The following PCDHGA5 variants were observed in gnomAD, a reference collection of about 807,000 sequenced individuals.
The protein encoded by PCDHGA5 is protocadherin gamma-A5.
PCDHGA5 carries 36 observed loss-of-function variants against 56.7 expected under a neutral mutation model. The observed-to-expected ratio is 0.64, with a 90% CI of 0.49 to 0.84. PCDHGA5 has a LOEUF of 0.84. PCDHGA5 is among the 40% of genes least tolerant of loss of function. The probability of loss-of-function intolerance (pLI) is 0.00; values close to 1 mark genes in which losing one functional copy is unlikely to be tolerated. For missense variants in PCDHGA5, 1,305 were observed against 1,201.5 expected, an observed-to-expected ratio of 1.09 and a Z score of -1.27; for synonymous variants, 563 against 520.2, an observed-to-expected ratio of 1.08 and a Z score of -1.12.
In PCDHGA5 at chr5:141,365,324, A is replaced by T; in HGVS notation, c.994A>T (p.Lys332Ter). The change falls in exon 1 of 4, where the codon AAG becomes TAG. Residue 332 changes from lysine (K) to a stop codon, truncating the protein, a stop_gained. Transcript: ENST00000518069. LOFTEE classifies it high-confidence loss of function. ...QDGGALVASA[K>*]VVVTVQDVND... ...TGGAGGCGCTCTTGTTGCCAGCGCT[A>T]AGGTGGTGGTCACAGTACAGGACGT... 6.2e-7 allele frequency: 1 copy of T among 1,613,936 alleles called. No individual in the cohort carries two copies. Among genetic ancestry groups the T allele is most frequent in the Non-Finnish European group, 8.5e-7 (1 of 1,179,878 alleles).
chr5:141,398,643 C>G, intron 1 of PCDHGA5: 2 of 1,614,024 alleles, frequency 1.2e-6, no homozygotes, highest in Non-Finnish European at 1.7e-6. Context: ...AGTATAAACT[C>G]TCTCTTAACC....
rs1461837957 is a variant in PCDHGA5, at chr5:141,432,613, G to C, written c.2422-62194G>C. The C allele has an allele frequency of 6.2e-7, 1 of 1,613,946 alleles. No homozygotes were observed. The highest frequency in any genetic ancestry group is 1.3e-5 in the African/African-American group (1 of 75,056). On this transcript the variant is annotated intron_variant, in intron 1 of 3. Coordinates refer to ENST00000518069, the MANE Select transcript of PCDHGA5 (RefSeq NM_018918.3). The surrounding 1 kb of genome is among the most constrained non-coding windows in gnomAD (Gnocchi z 6.0). ...AGGCCAGCGAGCCGGGACTCTTCTC[G>C]GTGGGTCTGCACACGGGCGAGGTGC...
At chr5:141,404,635 A>C (rs2094549114) in intron 1 of PCDHGA5, 1 of 1,614,130 alleles carries the variant, frequency 6.2e-7, no homozygotes, top group Non-Finnish European at 8.5e-7. Context: ...ATGCCCCAGA[A>C]ATCCTGTACC....
chr5:141,502,825 G>A (rs1487995525), intron 2 of PCDHGA5, among the ~76,000 whole-genome samples: 4 of 151,216 alleles, frequency 2.6e-5, no homozygotes, highest in South Asian at 2.1e-4. Flanking sequence ...TTTCCTTGGG[G>A]AAGCCTGGAC....
At chr5:141,394,203 A>G (rs1380354099) in intron 1 of PCDHGA5, 1 of 1,613,814 alleles carries the variant, frequency 6.2e-7, no homozygotes, top group Non-Finnish European at 8.5e-7. Context: ...TATCCTAGAG[A>G]ACAACCTGAG....
rs780049739 is a variant in PCDHGA5, at chr5:141,366,550, T to C, written c.2220T>C (p.Phe740=). Residue 740 remains phenylalanine, a synonymous_variant, in exon 1 of 4, where the codon TTT becomes TTC. Transcript: ENST00000518069. The part of the protein sequence containing the change: ...SRLAGVPASH[F]VGVDGVRAFL... ...TGGCGGGTGTGCCCGCCTCGCACTT[T>C]GTGGGCGTGGATGGGGTTCGGGCTT... The C allele has an allele frequency of 3.1e-6, 5 of 1,614,136 alleles. No homozygotes were observed. The highest frequency in any genetic ancestry group is 2.7e-5 in the African/African-American group (2 of 74,948).
rs534845593 is a variant in PCDHGA5, at chr5:141,478,216, G to A, written c.2422-16591G>A. On this transcript the variant is annotated intron_variant, in intron 1 of 3. Coordinates refer to ENST00000518069, the MANE Select transcript of PCDHGA5 (RefSeq NM_018918.3). ...TTTATCTACTTCTTTCTCTAATCCTGGTTTCTGTGGGGTTTGTGGTCACAG... is the reference window on the plus strand; with the variant it reads ...TTTATCTACTTCTTTCTCTAATCCTAGTTTCTGTGGGGTTTGTGGTCACAG... 414 of 1,614,090 alleles carry A rather than the reference G, an allele frequency of 2.6e-4. 9 individuals carry two copies. In the South Asian group the frequency reaches 4.4e-3, roughly 17 times the overall value.
intron 1 of PCDHGA5, chr5:141,374,602 T>A (rs747550525): frequency 9.9e-6 from 16 of 1,613,534 alleles, no homozygotes; most frequent in Non-Finnish European, 1.3e-5. Flanking sequence ...TTAAGCTCAG[T>A]GGTAATAGTC....
intron 1 of PCDHGA5, among the ~76,000 whole-genome samples, chr5:141,446,827 C>A (rs922071842): frequency 6.6e-6 from 1 of 152,114 alleles, no homozygotes; most frequent in Non-Finnish European, 1.5e-5. Context: ...TGGGTAGATC[C>A]TTATAAGGCT....
intron 1 of PCDHGA5, among the ~76,000 whole-genome samples, chr5:141,401,385 T>A (rs965055223): frequency 6.6e-6 from 1 of 152,182 alleles, no homozygotes; most frequent in Non-Finnish European, 1.5e-5. Flanking sequence ...AGAAAAATAC[T>A]ACATGTTATG....
At position 141,425,713 on chromosome 5, in the gene PCDHGA5, C is replaced by T. The variant is rs191037499; in HGVS notation, c.2421+58962C>T. 3.9e-4 allele frequency among the ~76,000 whole-genome samples: 60 copies of T among 152,312 alleles called. No homozygotes were observed. In the East Asian group the frequency reaches 6.7e-3, roughly 17 times the overall value. On this transcript the variant is annotated intron_variant, in intron 1 of 3. Transcript: ENST00000518069. ...CATTTCATAGTGGTCAAAATTTTCC[C>T]ATACCACTTGATGGGGATGTTTTCC...
At chr5:141,409,243 AATC>A in intron 1 of PCDHGA5, 1 of 1,614,032 alleles carries the variant, frequency 6.2e-7, no homozygotes, top group South Asian at 1.1e-5. Context: ...GCCCAGAAAT[AATC>A]ATCACTTCTC....
chr5:141,499,408 G>C (rs1178843162), intron 2 of PCDHGA5, among the ~76,000 whole-genome samples: 1 of 151,896 alleles, frequency 6.6e-6, no homozygotes, highest in Non-Finnish European at 1.5e-5. Context: ...GCTCATTATA[G>C]AAACATGAAA....
intron 1 of PCDHGA5, among the ~76,000 whole-genome samples, chr5:141,448,451 C>T (rs1261733103): frequency 6.6e-6 from 1 of 152,032 alleles, no homozygotes; most frequent in Admixed American, 6.6e-5. Context: ...GACTTCCATC[C>T]CTATCCTACT....
intron 1 of PCDHGA5, chr5:141,408,622 A>C (rs1481022505): frequency 6.2e-7 from 1 of 1,614,070 alleles, no homozygotes; most frequent in Admixed American, 1.7e-5. Flanking sequence ...AAATACATTT[A>C]GAAATTTTCG....
intron 1 of PCDHGA5, chr5:141,400,383 T>C (rs1267422491): frequency 6.2e-7 from 1 of 1,614,088 alleles, no homozygotes. Flanking sequence ...ACCTATGTGT[T>C]GCACATACAG....
chr5:141,509,143 C>G (rs1022878562), intron 3 of PCDHGA5, among the ~76,000 whole-genome samples: 1 of 152,256 alleles, frequency 6.6e-6, no homozygotes, highest in African/African-American at 2.4e-5. Context: ...AGGCGCATCC[C>G]GGCTCTCCCC....
chr5:141,371,686 C>T (rs377384867), intron 1 of PCDHGA5: 11 of 1,614,026 alleles, frequency 6.8e-6, no homozygotes, highest in Non-Finnish European at 9.3e-6. Flanking sequence ...GGCAATCCAC[C>T]GCTCTCCTCC....
At chr5:141,403,266 A>G in intron 1 of PCDHGA5, 11 of 1,613,858 alleles carry the variant, frequency 6.8e-6, no homozygotes, top group Non-Finnish European at 9.3e-6. Context: ...TGTCTGGTGA[A>G]CTTTAAAGTC....
Sources: allele counts gnomAD v4.1 joint callset (sites outside exome capture counted in the v4.1 genomes callset), GRCh38; gene constraint gnomAD v4.1.1; non-coding constraint Gnocchi (gnomAD v3.1); transcripts MANE v1.5; gene names NCBI Gene and HGNC (gene_info 2026-07-23, HGNC 2026-07-21).